Variants in SOCS5 observed in about 807,000 individuals in gnomAD.
The protein encoded by SOCS5 is suppressor of cytokine signaling 5, also known as CIS-6.
In SOCS5, 32 loss-of-function variants were observed where a neutral mutation model predicts 42.8. The ratio of observed to expected loss-of-function variants is 0.75; its 90% CI spans 0.56 to 1.01. The LOEUF (loss-of-function observed/expected upper bound fraction) is 1.01. Among genes scored for constraint, SOCS5 ranks in the 50% least tolerant of loss-of-function variants. The pLI, the probability that SOCS5 is intolerant of heterozygous loss-of-function variation, is 0.00. For synonymous variants in SOCS5, 283 were observed against 229.6 expected, an observed-to-expected ratio of 1.23 and a Z score of -2.10; for missense variants, 627 against 653.0, an observed-to-expected ratio of 0.96 and a Z score of 0.43.
intron 1 of SOCS5, among the ~76,000 whole-genome samples, chr2:46,710,178 G>A (rs1205638097): frequency 2.0e-5 from 3 of 151,968 alleles, no homozygotes; most frequent in Non-Finnish European, 4.4e-5. Context: ...GTAGCATCTC[G>A]CTCTGTTGCC....
intron 1 of SOCS5, among the ~76,000 whole-genome samples, chr2:46,752,560 A>G (rs1308744067): frequency 6.6e-6 from 1 of 152,116 alleles, no homozygotes; most frequent in Non-Finnish European, 1.5e-5. Context: ...TAAAAGGTAA[A>G]TTGTTTCATA....
At chr2:46,717,329 T>C (rs1470336824) in intron 1 of SOCS5, among the ~76,000 whole-genome samples, 3 of 152,156 alleles carry the variant, frequency 2.0e-5, no homozygotes, top group Non-Finnish European at 4.4e-5. Context: ...CTTGTTTTCC[T>C]TCTTTAGGGG....
chr2:46,703,669 G>C (rs1672396707), intron 1 of SOCS5, among the ~76,000 whole-genome samples: 1 of 152,132 alleles, frequency 6.6e-6, no homozygotes, highest in African/African-American at 2.4e-5. Context: ...ATTGTGAATG[G>C]ACTGTTATTC....
At chr2:46,722,220 T>C (rs758630907) in intron 1 of SOCS5, among the ~76,000 whole-genome samples, 19 of 152,140 alleles carry the variant, frequency 1.2e-4, no homozygotes, top group Admixed American at 2.6e-4. Context: ...ATGTCATATC[T>C]TTGTAAGTAA....
At chr2:46,711,091 T>C (rs1672610853) in intron 1 of SOCS5, among the ~76,000 whole-genome samples, 1 of 152,220 alleles carries the variant, frequency 6.6e-6, no homozygotes, top group African/African-American at 2.4e-5. Flanking sequence ...TTTTCAACTG[T>C]TAATGAATAA....
At chr2:46,746,512 G>A (rs893893643) in intron 1 of SOCS5, among the ~76,000 whole-genome samples, 4 of 151,968 alleles carry the variant, frequency 2.6e-5, no homozygotes, top group African/African-American at 9.7e-5. Flanking sequence ...TTAGCCAGGC[G>A]TGGTGGCGGA....
At chr2:46,713,206 A>G (rs1672666898) in intron 1 of SOCS5, among the ~76,000 whole-genome samples, 1 of 152,118 alleles carries the variant, frequency 6.6e-6, no homozygotes, top group Non-Finnish European at 1.5e-5. Flanking sequence ...AAATTTAAAA[A>G]CTAGCCAGGC....
At chr2:46,724,218 A>G (rs1672945075) in intron 1 of SOCS5, among the ~76,000 whole-genome samples, 1 of 149,188 alleles carries the variant, frequency 6.7e-6, no homozygotes. Context: ...TTTCTTTCTA[A>G]TTTGTCTGCT....
rs1168235892 is a variant in SOCS5, at chr2:46,721,524, T to C, written c.-13+22075T>C. ...GCTCATATCCTCAGAAGGTTTAAGA[T>C]AGAGAAGTTATCTAGTGCTGTTGTC... is the stretch of plus-strand genomic sequence containing the variant. On this transcript the variant is annotated intron_variant, in intron 1 of 1. Coordinates refer to ENST00000394861, the MANE Select transcript of SOCS5 (RefSeq NM_144949.3). 2.0e-5 allele frequency among the ~76,000 whole-genome samples: 3 copies of C among 152,226 alleles called. No homozygotes were observed. In the East Asian group the frequency reaches 5.8e-4, roughly 29 times the overall value.
At chr2:46,744,834 G>A (rs749566021) in intron 1 of SOCS5, among the ~76,000 whole-genome samples, 13 of 150,968 alleles carry the variant, frequency 8.6e-5, no homozygotes, top group Non-Finnish European at 1.5e-4. Flanking sequence ...GGCTGTAATC[G>A]AGATTTTTGA....
At chr2:46,720,943 G>T (rs1214638619) in intron 1 of SOCS5, among the ~76,000 whole-genome samples, 1 of 152,146 alleles carries the variant, frequency 6.6e-6, no homozygotes, top group Non-Finnish European at 1.5e-5. Context: ...TTGCTGTCCC[G>T]AGGTGCAGAC....
At chr2:46,733,064 A>G (rs1230105915) in intron 1 of SOCS5, among the ~76,000 whole-genome samples, 5 of 151,592 alleles carry the variant, frequency 3.3e-5, no homozygotes, top group Non-Finnish European at 7.4e-5. Flanking sequence ...TTTACATACT[A>G]GATTCCTATT....
chr2:46,713,840 A>G (rs768906746), intron 1 of SOCS5, among the ~76,000 whole-genome samples: 1 of 152,096 alleles, frequency 6.6e-6, no homozygotes, highest in Non-Finnish European at 1.5e-5. Context: ...ACAGATATTG[A>G]TATGATTTAA....
At chr2:46,736,864 C>T (rs557539013) in intron 1 of SOCS5, among the ~76,000 whole-genome samples, 18 of 151,190 alleles carry the variant, frequency 1.2e-4, no homozygotes, top group Non-Finnish European at 5.9e-5. Context: ...TTAATATTTG[C>T]ATTATGTTTA....
intron 1 of SOCS5, among the ~76,000 whole-genome samples, chr2:46,713,040 A>C (rs1408649550): frequency 2.0e-5 from 3 of 152,168 alleles, no homozygotes; most frequent in African/African-American, 7.2e-5. Context: ...AAAGTTCTTA[A>C]TTAAGGAATT....
rs141562916 is a variant in SOCS5, at chr2:46,748,829, G to A, written c.-12-9690G>A. 5.9e-3 allele frequency among the ~76,000 whole-genome samples: 896 copies of A among 152,224 alleles called. 9 individuals carry two copies. Among genetic ancestry groups the A allele is most frequent in the Admixed American group, 0.01 (154 of 15,298 alleles). On this transcript the variant is annotated intron_variant, in intron 1 of 1. Coordinates refer to ENST00000394861, the MANE Select transcript of SOCS5 (RefSeq NM_144949.3). ...TAAAGTGGTTATCCTCCCTAGAGAA[G>A]GAAATGGTGCAGATTCCATTTGCTC...
Position 46,760,807 on chromosome 2 carries a change from C to G in SOCS5, c.*666C>G, listed in dbSNP as rs937727381. ...CTAGTAGTAGAATTTTATTGAAAGG[C>G]CTAGGTATTAATTTTTTAAATGAGT... On this transcript the variant is annotated 3_prime_UTR_variant, in exon 2 of 2. Coordinates refer to ENST00000394861, the MANE Select transcript of SOCS5 (RefSeq NM_144949.3). The G allele has an allele frequency of 1.8e-5, 3 of 166,994 alleles. No individual in the cohort carries two copies. Among genetic ancestry groups the G allele is most frequent in the African/African-American group, 7.2e-5 (3 of 41,422 alleles). 10.3% of individuals were successfully genotyped at this position (166,994 alleles called of 1,614,324 possible).
intron 1 of SOCS5, among the ~76,000 whole-genome samples, chr2:46,724,412 A>T (rs925051838): frequency 6.6e-6 from 1 of 151,834 alleles, no homozygotes; most frequent in Non-Finnish European, 1.5e-5. Flanking sequence ...ATGTCCTTTT[A>T]TGTGATTTGG....
intron 1 of SOCS5, among the ~76,000 whole-genome samples, chr2:46,746,044 C>G (rs1243247803): frequency 6.6e-6 from 1 of 150,492 alleles, no homozygotes; most frequent in East Asian, 1.9e-4. Flanking sequence ...ACACGGAGCC[C>G]TTTGAGTTTT....
Sources: allele counts gnomAD v4.1 joint callset (sites outside exome capture counted in the v4.1 genomes callset), GRCh38; gene constraint gnomAD v4.1.1; transcripts MANE v1.5; gene names NCBI Gene and HGNC (gene_info 2026-07-23, HGNC 2026-07-21).